The following SPATA2 variants were observed in gnomAD, a reference collection of about 807,000 sequenced individuals.
SPATA2 encodes the protein spermatogenesis associated 2, also known as spermatogenesis-associated protein 2.
Under a neutral mutation model 35.4 loss-of-function variants are expected in SPATA2, and 8 were observed. The observed-to-expected ratio is 0.23, with a 90% CI of 0.13 to 0.41. SPATA2 has a LOEUF of 0.41. Ranked by LOEUF, SPATA2 falls within the 10% of genes least tolerant of loss-of-function variation. The pLI, the probability that SPATA2 is intolerant of heterozygous loss-of-function variation, is 1.00. For missense variants in SPATA2, 650 were observed against 698.7 expected (o/e 0.93, Z 0.79); for synonymous variants, 293 against 300.9 (o/e 0.97, Z 0.27).
chr20:49,914,001 T>C (rs1315515815), intron 1 of SPATA2, among the ~76,000 whole-genome samples: 3 of 147,824 alleles, frequency 2.0e-5, no homozygotes, highest in Non-Finnish European at 4.5e-5. Flanking sequence ...AACCCAAGGA[T>C]TGGAACGCCA....
In SPATA2 at chr20:49,904,073, A is replaced by G. The variant is rs632376; in HGVS notation, c.*1546T>C. On this transcript the variant is annotated 3_prime_UTR_variant, in exon 3 of 3. Transcript: ENST00000289431. ...AGACTTAAACTTGCTCAAGAGCTGA[A>G]TAACTTTCTCCCAGAAAAGCCCACT... 0.34 allele frequency: 51,227 copies of G among 151,962 alleles called. 10,870 individuals carry two copies. The highest frequency in any genetic ancestry group is 0.56 in the South Asian group (2,689 of 4,818). The allele number at this position is 151,962 out of a possible 1,614,324, so 9.4% of individuals were successfully genotyped here.
chr20:49,907,033 C>A (rs2090150383), intron 2 of SPATA2, among the ~76,000 whole-genome samples, 188 bp from the exon 3 acceptor site: 1 of 152,178 alleles, frequency 6.6e-6, no homozygotes. Flanking sequence ...GCTAAGCACT[C>A]AGGAATTGTG....
rs2090137113 is a variant in SPATA2 at position 49,905,770 on chromosome 20, G to C, written c.1412C>G (p.Thr471Ser). The change falls in exon 3 of 3, where the codon ACC becomes AGC. Residue 471 changes from threonine to serine, a missense_variant. Coordinates refer to ENST00000289431, the MANE Select transcript of SPATA2 (RefSeq NM_006038.4). ...GFCNRPGATN[T>S]CTQCSKVSCD... ...TGAGACTTTTGAACACTGGGTGCAG[G>C]TGTTGGTGGCGCCTGGGCGGTTGCA... The C allele has an allele frequency of 6.2e-7, 1 of 1,614,066 alleles. No individual in the cohort carries two copies. The highest frequency in any genetic ancestry group is 8.5e-7 in the Non-Finnish European group (1 of 1,180,026).
Position 49,903,922 on chromosome 20 carries a change from T to C in SPATA2, c.*1697A>G, listed in dbSNP as rs1196656696. The C allele has an allele frequency of 3.9e-4, 15 of 38,846 alleles. No homozygotes were observed. Among genetic ancestry groups the C allele is most frequent in the African/African-American group, 8.5e-4 (14 of 16,386 alleles). The allele number at this position is 38,846 out of a possible 1,614,324, so 2.4% of individuals were successfully genotyped here. On this transcript the variant is annotated 3_prime_UTR_variant, in exon 3 of 3. Transcript: ENST00000289431. ...AGATAGATATATATATATATATATA[T>C]ATATATATATATATATATATATATA...
chr20:49,914,736 G>A (rs2146838852), intron 1 of SPATA2, among the ~76,000 whole-genome samples: 1 of 152,320 alleles, frequency 6.6e-6, no homozygotes, highest in East Asian at 1.9e-4. Context: ...CCTCCCTGCA[G>A]GGGACAGAAG....
intron 1 of SPATA2, among the ~76,000 whole-genome samples, chr20:49,911,586 G>T (rs1249189020): frequency 6.6e-6 from 1 of 151,542 alleles, no homozygotes; most frequent in Non-Finnish European, 1.5e-5. Context: ...AGAATTGCTA[G>T]AACCCAGGAG....
chr20:49,914,188 A>G (rs2090196684), intron 1 of SPATA2, among the ~76,000 whole-genome samples: 1 of 152,072 alleles, frequency 6.6e-6, no homozygotes, highest in East Asian at 1.9e-4. Flanking sequence ...GGAAAAAGAG[A>G]TATTGCACAG....
At chr20:49,915,128 G>C (rs545373954) in intron 1 of SPATA2, among the ~76,000 whole-genome samples, 1 of 152,186 alleles carries the variant, frequency 6.6e-6, no homozygotes, top group Admixed American at 6.5e-5. Context: ...GCCGAAGAGG[G>C]GTGTTCCTCT....
intron 2 of SPATA2, 62 bp downstream of exon 2, chr20:49,908,093 G>A: frequency 1.3e-6 from 2 of 1,483,358 alleles, no homozygotes; most frequent in Non-Finnish European, 1.8e-6. Context: ...CCTCTCAGGA[G>A]GGACTGCCAG....
chr20:49,903,498 A>T lies in SPATA2; in HGVS notation c.*2121T>A, dbSNP rs1458712156. The T allele has an allele frequency of 6.6e-6, 1 of 152,170 alleles. No homozygotes were observed. Among genetic ancestry groups the T allele is most frequent in the Non-Finnish European group, 1.5e-5 (1 of 68,028 alleles). 9.4% of individuals were successfully genotyped at this position (152,170 alleles called of 1,614,324 possible). ...CATCTGCATTTTTAAATTAGCATGT[A>T]TTTAACTATCTCAATCACAGCAACC... On this transcript the variant is annotated 3_prime_UTR_variant, in exon 3 of 3. Coordinates refer to ENST00000289431, the MANE Select transcript of SPATA2 (RefSeq NM_006038.4).
In SPATA2 at chr20:49,906,861, T is replaced by C. The variant is rs1040736852; in HGVS notation, c.337-16A>G. ...CCGTGTAGGTCTAGAAGGGAGGGAG[T>C]AGAAAAGAAAGGTGGGGTTTTCTGT... is the stretch of plus-strand genomic sequence containing the variant. On this transcript the variant is annotated splice_polypyrimidine_tract_variant and intron_variant, in intron 2 of 2. Transcript: ENST00000289431. This position sits in a 1 kb window ranked among gnomAD's most constrained non-coding sequence, Gnocchi z 8.2. 6 of 1,572,450 alleles carry C rather than the reference T, an allele frequency of 3.8e-6. No homozygotes were observed. The highest frequency in any genetic ancestry group is 3.6e-5 in the Admixed American group (2 of 55,816).
rs765386560 is a variant in SPATA2, at chr20:49,906,632, T to C, written c.550A>G (p.Lys184Glu). 3 of 1,614,222 alleles carry C rather than the reference T, an allele frequency of 1.9e-6. No homozygotes were observed. The Admixed American group carries it at 5.0e-5, about 27-fold the overall frequency. Reference protein sequence around the residue: ...EQMLEIHSQVKDKGYSELDIV... With the variant: ...EQMLEIHSQVEDKGYSELDIV... ...TCCAGCTCGGAGTAGCCCTTGTCCT[T>C]CACTTGTGAGTGGATTTCTAGCATC... Residue 184 changes from lysine (K) to glutamate (E), a missense_variant, in exon 3 of 3, where the codon AAG becomes GAG. By Grantham distance (56) the Lys-to-Glu change is moderately conservative. Transcript: ENST00000289431. This position sits in a 1 kb window ranked among gnomAD's most constrained non-coding sequence, Gnocchi z 8.2.
rs2090145473 is a variant in SPATA2, at chr20:49,906,492, G to A, written c.690C>T (p.Leu230=). ...HLTASMSRVA[L]QKSASERAAK... ...CCGCCCGCTCGCTGGCCGACTTCTG[G>A]AGTGCCACTCGTGACATGGAGGCCG... The change falls in exon 3 of 3, where the codon CTC becomes CTT. Residue 230 remains leucine (L), a synonymous_variant. Transcript: ENST00000289431. This position sits in a 1 kb window ranked among gnomAD's most constrained non-coding sequence, Gnocchi z 8.2. 6.2e-7 allele frequency: 1 copy of A among 1,611,586 alleles called. No individual in the cohort carries two copies. The highest frequency in any genetic ancestry group is 2.2e-5 in the East Asian group (1 of 44,878).
chr20:49,908,989 G>C (rs531507872), intron 1 of SPATA2, among the ~76,000 whole-genome samples: 1 of 152,188 alleles, frequency 6.6e-6, no homozygotes, highest in Non-Finnish European at 1.5e-5. Context: ...AGTACCAGAG[G>C]CTCCAGACAC....
At chr20:49,912,767 G>T (rs939937011) in intron 1 of SPATA2, among the ~76,000 whole-genome samples, 3 of 152,050 alleles carry the variant, frequency 2.0e-5, no homozygotes, top group African/African-American at 7.2e-5. Context: ...AAAGGAAAGG[G>T]ATCCAAACAG....
At position 49,903,945 on chromosome 20, in the gene SPATA2, ATATATAT is replaced by A. The variant is rs2090124654; in HGVS notation, c.*1667_*1673del. On this transcript the variant is annotated 3_prime_UTR_variant, in exon 3 of 3. Coordinates refer to ENST00000289431, the MANE Select transcript of SPATA2 (RefSeq NM_006038.4). Reference sequence around the variant, plus strand: ...TATATATATATATATATATATATATATATATATTAAAAAGAGAGCCATAGAAGATTTG... The same window carrying A: ...TATATATATATATATATATATATATATAAAAAGAGAGCCATAGAAGATTTG... 31 of 89,308 alleles carry A rather than the reference ATATATAT, an allele frequency of 3.5e-4. No homozygotes were observed. The highest frequency in any genetic ancestry group is 4.6e-4 in the Non-Finnish European group (20 of 43,056). The allele number at this position is 89,308 out of a possible 1,614,324, so 5.5% of individuals were successfully genotyped here.
At position 49,906,122 on chromosome 20, in the gene SPATA2, G is replaced by A. The variant is rs143941895; in HGVS notation, c.1060C>T (p.Arg354Trp). The change falls in exon 3 of 3, where the codon CGG (arginine) becomes TGG (tryptophan). Residue 354 changes from arginine to tryptophan, a missense_variant. Arg to Trp is a moderately radical substitution (Grantham distance 101). Transcript: ENST00000289431. The surrounding 1 kb of genome is among the most constrained non-coding windows in gnomAD (Gnocchi z 8.2). ...RATYRRQDAL[R>W]PDVWLLRNDA... ...TTTCTGAGCAGCCACACATCCGGCC[G>A]CAGAGCATCCTGCCGACGGTAGGTG... The A allele has an allele frequency of 2.9e-4, 473 of 1,612,024 alleles. No individual in the cohort carries two copies. Among genetic ancestry groups the A allele is most frequent in the Non-Finnish European group, 3.6e-4 (427 of 1,179,358 alleles).
chr20:49,905,943 G>T lies in SPATA2; in HGVS notation c.1239C>A (p.Phe413Leu). 1 of 1,610,514 alleles carries T rather than the reference G, an allele frequency of 6.2e-7. No homozygotes were observed. Among genetic ancestry groups the T allele is most frequent in the South Asian group, 1.1e-5 (1 of 91,070 alleles). Residue 413 changes from phenylalanine to leucine, a missense_variant, in exon 3 of 3, where the codon TTC becomes TTA. Coordinates refer to ENST00000289431, the MANE Select transcript of SPATA2 (RefSeq NM_006038.4). ...TGTCATGAGTCGAGGCCTTGCTGGG[G>T]AAGGCGCTGGGCTTGGAAGCTGGAG... ...TCPPASKPSA[F>L]PSKASTHDSL...
Position 49,915,448 on chromosome 20 carries a change from G to A in SPATA2, c.-171C>T, listed in dbSNP as rs888567930. ...GAGAGGCGCGGCTGCCGCCGGAGCC[G>A]GGCCCCGTCGGGCTCTAGCCTCTCC... On this transcript the variant is annotated 5_prime_UTR_variant, in exon 1 of 3. Transcript: ENST00000289431. 4.6e-5 allele frequency: 7 copies of A among 152,344 alleles called. No individual in the cohort carries two copies. Among genetic ancestry groups the A allele is most frequent in the Admixed American group, 4.6e-4 (7 of 15,310 alleles). The allele number at this position is 152,344 out of a possible 1,614,324, so 9.4% of individuals were successfully genotyped here.
Sources: allele counts gnomAD v4.1 joint callset (sites outside exome capture counted in the v4.1 genomes callset), GRCh38; gene constraint gnomAD v4.1.1; non-coding constraint Gnocchi (gnomAD v3.1); transcripts MANE v1.5; gene names NCBI Gene and HGNC (gene_info 2026-07-23, HGNC 2026-07-21).